The following DCDC1 variants were observed in gnomAD, a reference collection of about 807,000 sequenced individuals.
DCDC1 encodes the protein doublecortin domain-containing protein 1.
In DCDC1, 200 loss-of-function variants were observed where a neutral mutation model predicts 178.3. That is an observed-to-expected ratio of 1.12 (90% confidence interval 1.00 to 1.26). The LOEUF is 1.26. DCDC1 is among the 50% of genes most tolerant of loss of function. DCDC1 has a pLI of 0.00. For synonymous variants in DCDC1, 690 were observed against 604.8 expected (o/e 1.14, Z -2.07); for missense variants, 1,983 against 1,749.2 (o/e 1.13, Z -2.38).
chr11:31,213,522 C>G (rs868376937), intron 9 of DCDC1, among the ~76,000 whole-genome samples: 8 of 151,894 alleles, frequency 5.3e-5, no homozygotes, highest in Non-Finnish European at 8.8e-5. Context: ...GAGTTTGAGA[C>G]CAGCCTGACC....
At chr11:31,081,489 A>C (rs1323276501) in intron 17 of DCDC1, among the ~76,000 whole-genome samples, 2 of 152,140 alleles carry the variant, frequency 1.3e-5, no homozygotes, top group African/African-American at 4.8e-5. Context: ...ACATGCCCGC[A>C]ATCCCAGCTA....
chr11:31,054,030 C>T lies in DCDC1; in HGVS notation c.2591+10439G>A, dbSNP rs143058243. Among the ~76,000 whole-genome samples, 855 of 152,178 alleles carry T rather than the reference C, an allele frequency of 5.6e-3. 11 individuals are homozygous for T. The highest frequency in any genetic ancestry group is 0.019 in the African/African-American group (808 of 41,542). On this transcript the variant is annotated intron_variant, in intron 20 of 38. Coordinates refer to ENST00000684477, the MANE Select transcript of DCDC1 (RefSeq NM_001387274.1). ...CCAAATCATTAAAGAGGAAGTCAAA[C>T]TGTCACTGTTTGCTGATGATATGAT...
chr11:30,951,293 C>T (rs1039327347), intron 21 of DCDC1, among the ~76,000 whole-genome samples: 3 of 152,058 alleles, frequency 2.0e-5, no homozygotes, highest in Non-Finnish European at 4.4e-5. Context: ...TGACAGCTGA[C>T]CTCTCCATAA....
chr11:30,973,876 T>A (rs1207938544), intron 20 of DCDC1, among the ~76,000 whole-genome samples: 2 of 151,948 alleles, frequency 1.3e-5, no homozygotes, highest in Non-Finnish European at 2.9e-5. Flanking sequence ...AACTGCATGT[T>A]AGACCAAATG....
intron 20 of DCDC1, among the ~76,000 whole-genome samples, chr11:31,026,281 A>G (rs1343853080): frequency 6.6e-6 from 1 of 151,784 alleles, no homozygotes; most frequent in Non-Finnish European, 1.5e-5. Context: ...AATAGAATAC[A>G]TGACACCGTA....
chr11:31,364,837 CA>C lies in DCDC1; in HGVS notation c.-125+4859del, dbSNP rs1367275082. Among the ~76,000 whole-genome samples the C allele has an allele frequency of 7.5e-3, 986 of 131,724 alleles. 3 individuals carry two copies. Among genetic ancestry groups the C allele is most frequent in the African/African-American group, 0.013 (484 of 36,002 alleles). 86.4% of individuals were successfully genotyped at this position (131,724 alleles called of 152,430 possible). A position where few individuals can be genotyped will look rare whatever the true frequency, so the allele number is the denominator to read the frequency against. ...TATCTAAAGCTTTATGTTAATCTGT[CA>C]AAAAAAAAAAAAAGAAGAAAGGAAG... On this transcript the variant is annotated intron_variant, in intron 1 of 38. Transcript: ENST00000684477.
intron 22 of DCDC1, among the ~76,000 whole-genome samples, chr11:30,925,721 C>G (rs971663864): frequency 6.6e-6 from 1 of 152,176 alleles, no homozygotes; most frequent in African/African-American, 2.4e-5. Flanking sequence ...AATAGCTAGA[C>G]ACACTGCTAT....
rs1945776596 is a variant in DCDC1, at chr11:30,915,598, G to C, written c.3566C>G (p.Pro1189Arg). ...APQLVLGVQGPNLRSGMEVVL... is the reference protein window; with the variant it reads ...APQLVLGVQGRNLRSGMEVVL... ...CACCTCCATGCCTGATCGGAGATTG[G>C]GACCTTGAACCCCCAAGACTAGCTG... Residue 1189 changes from proline (P) to arginine (R), a missense_variant, in exon 27 of 39, where the codon CCC becomes CGC. Transcript: ENST00000684477. 6.8e-6 allele frequency: 11 copies of C among 1,613,848 alleles called. No homozygotes were observed. Among genetic ancestry groups the C allele is most frequent in the Non-Finnish European group, 5.9e-6 (7 of 1,179,854 alleles).
In DCDC1 at chr11:30,952,439, C is replaced by T. The variant is rs1299478793; in HGVS notation, c.2715+6G>A. The T allele has an allele frequency of 1.9e-6, 3 of 1,560,316 alleles. No individual in the cohort carries two copies. The highest frequency in any genetic ancestry group is 2.6e-6 in the Non-Finnish European group (3 of 1,154,950). On this transcript the variant is annotated splice_donor_region_variant and intron_variant, in intron 21 of 38. Coordinates refer to ENST00000684477, the MANE Select transcript of DCDC1 (RefSeq NM_001387274.1). ...AATGACCATCTCTTAAGCTAAGCAA[C>T]ACAACCTCATTAAGTTGGCCACTGG...
intron 9 of DCDC1, among the ~76,000 whole-genome samples, chr11:31,203,879 A>G (rs529650997): frequency 1.3e-5 from 2 of 152,344 alleles, no homozygotes; most frequent in African/African-American, 4.8e-5. Flanking sequence ...AAAATAAAAA[A>G]TAAAATGTAT....
intron 1 of DCDC1, among the ~76,000 whole-genome samples, chr11:31,342,367 G>T (rs1950596527): frequency 6.6e-6 from 1 of 152,064 alleles, no homozygotes; most frequent in African/African-American, 2.4e-5. Flanking sequence ...AATTTTTTCA[G>T]CCTCAGTCTT....
chr11:31,164,640 G>C (rs1966616804), intron 9 of DCDC1, among the ~76,000 whole-genome samples: 1 of 152,066 alleles, frequency 6.6e-6, no homozygotes, highest in East Asian at 1.9e-4. Context: ...TGTACAATTT[G>C]TGCTGTAAGC....
chr11:31,247,503 T>C (rs1403175197), intron 8 of DCDC1, among the ~76,000 whole-genome samples: 2 of 151,882 alleles, frequency 1.3e-5, no homozygotes, highest in African/African-American at 4.8e-5. Context: ...AGAGGTACTG[T>C]GTGTGGAAAT....
intron 1 of DCDC1, among the ~76,000 whole-genome samples, chr11:31,367,020 G>A (rs1383188866): frequency 6.6e-6 from 1 of 152,200 alleles, no homozygotes; most frequent in East Asian, 1.9e-4. Context: ...ATGTGGCTGG[G>A]CGCAGTGGCG....
chr11:31,292,255 T>C (rs1228322928), intron 6 of DCDC1, among the ~76,000 whole-genome samples: 1 of 152,124 alleles, frequency 6.6e-6, no homozygotes, highest in Non-Finnish European at 1.5e-5. Flanking sequence ...TATAAGTTAA[T>C]GAGTTCATAA....
chr11:31,048,598 A>G (rs770945520), intron 20 of DCDC1, among the ~76,000 whole-genome samples: 1 of 152,188 alleles, frequency 6.6e-6, no homozygotes, highest in African/African-American at 2.4e-5. Context: ...TCATGCCTGT[A>G]ATCCCAGCAC....
At chr11:31,129,720 A>G (rs1962177384) in intron 10 of DCDC1, among the ~76,000 whole-genome samples, 1 of 152,018 alleles carries the variant, frequency 6.6e-6, no homozygotes, top group African/African-American at 2.4e-5. Context: ...TTGGATTAAC[A>G]AAATACCTAC....
At chr11:31,358,646 C>G (rs934577320) in intron 1 of DCDC1, among the ~76,000 whole-genome samples, 5 of 152,090 alleles carry the variant, frequency 3.3e-5, no homozygotes, top group African/African-American at 1.2e-4. Flanking sequence ...TCAGAGTGAA[C>G]AGGCAACCTA....
chr11:31,045,017 T>C (rs1275409102), intron 20 of DCDC1, among the ~76,000 whole-genome samples: 1 of 152,134 alleles, frequency 6.6e-6, no homozygotes, highest in Non-Finnish European at 1.5e-5. Flanking sequence ...CTTGGAATAA[T>C]GAAATCTATG....
Sources: allele counts gnomAD v4.1 joint callset (sites outside exome capture counted in the v4.1 genomes callset), GRCh38; gene constraint gnomAD v4.1.1; transcripts MANE v1.5; gene names NCBI Gene and HGNC (gene_info 2026-07-23, HGNC 2026-07-21).